The following RPS6KB1 variants were observed in gnomAD, a reference collection of about 807,000 sequenced individuals.
RPS6KB1 encodes the protein ribosomal protein S6 kinase B1.
RPS6KB1 carries 12 observed loss-of-function variants against 70.2 expected under a neutral mutation model. The ratio of observed to expected loss-of-function variants is 0.17; its 90% CI spans 0.11 to 0.28. RPS6KB1 has a LOEUF of 0.28. Ranked by LOEUF, RPS6KB1 falls within the 10% of genes least tolerant of loss-of-function variation. The probability of loss-of-function intolerance (pLI) is 1.00; values close to 1 mark genes in which losing one functional copy is unlikely to be tolerated. For synonymous variants in RPS6KB1, 175 were observed against 211.2 expected, an observed-to-expected ratio of 0.83 and a Z score of 1.49; for missense variants, 270 against 646.6, an observed-to-expected ratio of 0.42 and a Z score of 6.32.
chr17:59,918,037 G>C (rs2043058387), intron 4 of RPS6KB1, among the ~76,000 whole-genome samples: 1 of 151,922 alleles, frequency 6.6e-6, no homozygotes, highest in South Asian at 2.1e-4. Flanking sequence ...GGGTTCAAGC[G>C]ATTCCCCTGC....
In RPS6KB1 at chr17:59,894,518, T is replaced by C. The variant is rs373357341; in HGVS notation, c.141+1193T>C. On this transcript the variant is annotated intron_variant, in intron 1 of 14. Transcript: ENST00000225577. ...TTCTCCTCTGGCACCTGCCCTACTG[T>C]TGACAAAAGATTGAGATGATGTATA... Among the ~76,000 whole-genome samples, 8 of 152,324 alleles carry C rather than the reference T, an allele frequency of 5.3e-5. No homozygotes were observed. In the East Asian group the frequency reaches 1.5e-3, roughly 29 times the overall value.
rs1380940744 is a variant in RPS6KB1, at chr17:59,893,348, G to T, written c.141+23G>T. 1 of 1,584,116 alleles carries T rather than the reference G, an allele frequency of 6.3e-7. No homozygotes were observed. Among genetic ancestry groups the T allele is most frequent in the Non-Finnish European group, 8.6e-7 (1 of 1,165,264 alleles). ...GGGGTGAGGCCCGGGGTCCCCGGGGGCCCGAGGTGACAGGGCCGGGGCGGC... is the reference window on the plus strand; with the variant it reads ...GGGGTGAGGCCCGGGGTCCCCGGGGTCCCGAGGTGACAGGGCCGGGGCGGC... On this transcript the variant is annotated intron_variant, in intron 1 of 14. Transcript: ENST00000225577. This position sits in a 1 kb window ranked among gnomAD's most constrained non-coding sequence, Gnocchi z 4.1.
chr17:59,938,188 G>GGT (rs2044359255), intron 12 of RPS6KB1, among the ~76,000 whole-genome samples: 2 of 142,886 alleles, frequency 1.4e-5, no homozygotes, highest in African/African-American at 2.6e-5. Context: ...TTTTTTTGGG[G>GGT]GGGGGATAGG....
intron 1 of RPS6KB1, among the ~76,000 whole-genome samples, chr17:59,894,462 G>T (rs2041388606): frequency 6.6e-6 from 1 of 152,054 alleles, no homozygotes; most frequent in African/African-American, 2.4e-5. Flanking sequence ...ATTACACAGG[G>T]GCTTCCTTTC....
rs961929333 is a variant in RPS6KB1, at chr17:59,942,015, C to A, written c.1227+1072C>A. ...CTGGGACTACAGGTGCCCGCCACCA[C>A]GCCAGGCTAATTTTTTGTATTTGTA... On this transcript the variant is annotated intron_variant, in intron 13 of 14. Transcript: ENST00000225577. Among the ~76,000 whole-genome samples, 21 of 152,104 alleles carry A rather than the reference C, an allele frequency of 1.4e-4. 1 individual carries two copies. Among genetic ancestry groups the A allele is most frequent in the Admixed American group, 1.4e-3 (21 of 15,268 alleles).
At chr17:59,918,357 T>TTTTTA (rs2144847215) in intron 4 of RPS6KB1, among the ~76,000 whole-genome samples, 1 of 150,798 alleles carries the variant, frequency 6.6e-6, no homozygotes, top group African/African-American at 2.4e-5. Flanking sequence ...GAGAGTTTTA[T>TTTTTA]TTTTTTTTAA....
Position 59,949,382 on chromosome 17 carries a change from G to C in RPS6KB1, c.*2594G>C, listed in dbSNP as rs2045094649. 6.6e-6 allele frequency: 1 copy of C among 152,458 alleles called. No individual in the cohort carries two copies. Among genetic ancestry groups the C allele is most frequent in the Non-Finnish European group, 1.5e-5 (1 of 67,972 alleles). The allele number at this position is 152,458 out of a possible 1,614,324, so 9.4% of individuals were successfully genotyped here. ...TATTACTAGTCTTGAGTTTCTAAGA[G>C]GGTTCTTTATGTTATACCAGGTAAG... is the stretch of plus-strand genomic sequence containing the variant. On this transcript the variant is annotated 3_prime_UTR_variant, in exon 15 of 15. Transcript: ENST00000225577.
chr17:59,948,617 A>G lies in RPS6KB1; in HGVS notation c.*1829A>G, dbSNP rs1396526068. ...ATACACCTTTTCAATTGTGGCAATA[A>G]TTGAAAGAATCGATAAAAGTTCATC... On this transcript the variant is annotated 3_prime_UTR_variant, in exon 15 of 15. Transcript: ENST00000225577. 1 of 152,368 alleles carries G rather than the reference A, an allele frequency of 6.6e-6. No individual in the cohort carries two copies. Among genetic ancestry groups the G allele is most frequent in the East Asian group, 1.9e-4 (1 of 5,200 alleles). The allele number at this position is 152,368 out of a possible 1,614,324, so 9.4% of individuals were successfully genotyped here.
chr17:59,935,449 T>A, intron 10 of RPS6KB1, 149 bp downstream of exon 10: 1 of 513,696 alleles, frequency 1.9e-6, no homozygotes, highest in Non-Finnish European at 3.5e-6. Context: ...CAGATTTGTT[T>A]AAAGACTTTC....
intron 12 of RPS6KB1, among the ~76,000 whole-genome samples, chr17:59,938,189 G>GGC (rs1568492939): frequency 5.6e-5 from 8 of 143,330 alleles, no homozygotes; most frequent in Admixed American, 3.5e-4. Flanking sequence ...TTTTTTGGGG[G>GGC]GGGGATAGGG....
In RPS6KB1 at chr17:59,915,788, TTTTTTTTTTTTA is replaced by T. The variant is rs922400680; in HGVS notation, c.381+1088_381+1099del. On this transcript the variant is annotated intron_variant, in intron 4 of 14. Transcript: ENST00000225577. ...GCCTACTGCTATCTTTTTTTTTTTTTTTTTTTTTTTTATTGTGACAGAGTTTTGCTCTTGTTG... is the reference window on the plus strand; with the variant it reads ...GCCTACTGCTATCTTTTTTTTTTTTTTTGTGACAGAGTTTTGCTCTTGTTG... Among the ~76,000 whole-genome samples, 9 of 130,786 alleles carry T rather than the reference TTTTTTTTTTTTA, an allele frequency of 6.9e-5. 1 individual carries two copies. Among genetic ancestry groups the T allele is most frequent in the East Asian group, 2.3e-4 (1 of 4,428 alleles). The allele number at this position is 130,786 out of a possible 152,430, so 85.8% of individuals were successfully genotyped here.
At chr17:59,902,011 C>CGA (rs2041981991) in intron 1 of RPS6KB1, among the ~76,000 whole-genome samples, 1 of 92,986 alleles carries the variant, frequency 1.1e-5, no homozygotes, top group Non-Finnish European at 2.0e-5. Context: ...GAACCTGTCT[C>CGA]TAAAAAAAAA....
At chr17:59,929,481 C>T (rs568159349) in intron 5 of RPS6KB1, among the ~76,000 whole-genome samples, 2 of 152,206 alleles carry the variant, frequency 1.3e-5, no homozygotes, top group South Asian at 4.1e-4. Context: ...TATTCCGTCA[C>T]GTCTTCTTCA....
chr17:59,945,591 T>C (rs570462053), intron 14 of RPS6KB1, 73 bp downstream of exon 14: 1 of 773,522 alleles, frequency 1.3e-6, no homozygotes, highest in African/African-American at 1.7e-5. Flanking sequence ...AAGAAGTTTA[T>C]GCCAAGTTAT....
At chr17:59,943,849 G>A (rs2044755846) in intron 13 of RPS6KB1, among the ~76,000 whole-genome samples, 1 of 147,204 alleles carries the variant, frequency 6.8e-6, no homozygotes, top group Non-Finnish European at 1.5e-5. Flanking sequence ...ACTCCAGCCT[G>A]GGCGACAGAG....
Position 59,946,971 on chromosome 17 carries a change from CTT to C in RPS6KB1, c.*184_*185del. ...AATCAATCAATGGTGCAAAAAAAAA[CTT>C]AAAGCAAAATAGTATTGCTGAACTC... is the stretch of plus-strand genomic sequence containing the variant. On this transcript the variant is annotated 3_prime_UTR_variant, in exon 15 of 15. Transcript: ENST00000225577. The surrounding 1 kb of genome is among the most constrained non-coding windows in gnomAD (Gnocchi z 4.2). The C allele has an allele frequency of 7.0e-7, 1 of 1,429,704 alleles. No homozygotes were observed. The highest frequency in any genetic ancestry group is 2.2e-4 in the Middle Eastern group (1 of 4,528). The allele number at this position is 1,429,704 out of a possible 1,614,324, so 88.6% of individuals were successfully genotyped here.
chr17:59,921,510 C>T (rs1177270111), intron 4 of RPS6KB1, among the ~76,000 whole-genome samples: 3 of 152,232 alleles, frequency 2.0e-5, no homozygotes, highest in Admixed American at 6.5e-5. Flanking sequence ...ACCCCTCTGA[C>T]CTGAGTGTGT....
At chr17:59,900,468 C>A (rs944202866) in intron 1 of RPS6KB1, among the ~76,000 whole-genome samples, 2 of 151,934 alleles carry the variant, frequency 1.3e-5, no homozygotes, top group African/African-American at 4.8e-5. Context: ...TGGGTTCAAG[C>A]GATTCTCTTT....
chr17:59,921,397 G>C (rs141942906), intron 4 of RPS6KB1, among the ~76,000 whole-genome samples: 9 of 152,264 alleles, frequency 5.9e-5, no homozygotes, highest in African/African-American at 9.6e-5. Flanking sequence ...TGTCATTAGG[G>C]TTAAGTTCAG....
Sources: allele counts gnomAD v4.1 joint callset (sites outside exome capture counted in the v4.1 genomes callset), GRCh38; gene constraint gnomAD v4.1.1; non-coding constraint Gnocchi (gnomAD v3.1); transcripts MANE v1.5; gene names NCBI Gene and HGNC (gene_info 2026-07-23, HGNC 2026-07-21).